The following NHSL1 variants were observed in gnomAD, a reference collection of about 807,000 sequenced individuals.
NHSL1 encodes the protein NHS like 1, also known as NHS-like protein 1.
Under a neutral mutation model 95.0 loss-of-function variants are expected in NHSL1, and 48 were observed. The observed-to-expected ratio is 0.51, with a 90% CI of 0.40 to 0.64. NHSL1 has a LOEUF of 0.64. NHSL1 is among the 30% of genes least tolerant of loss of function. The pLI, the probability that NHSL1 is intolerant of heterozygous loss-of-function variation, is 0.00. For synonymous variants in NHSL1, 783 were observed against 833.9 expected, an observed-to-expected ratio of 0.94 and a Z score of 1.05; for missense variants, 1,971 against 2,077.7, an observed-to-expected ratio of 0.95 and a Z score of 1.00.
chr6:138,678,204 A>T (rs1429403373), intron 1 of NHSL1, among the ~76,000 whole-genome samples: 3 of 152,184 alleles, frequency 2.0e-5, no homozygotes, highest in Admixed American at 6.5e-5. Flanking sequence ...TTTTTCTCCT[A>T]ACATATAATA....
At chr6:138,457,804 C>T (rs57154266) in intron 3 of NHSL1, among the ~76,000 whole-genome samples, 32,563 of 151,730 alleles carry the variant, frequency 0.21, 4,643 homozygotes, top group African/African-American at 0.41. Flanking sequence ...GGTCAGGAGC[C>T]CAAGACCAGC....
intron 1 of NHSL1, among the ~76,000 whole-genome samples, chr6:138,690,722 C>G (rs1318723171): frequency 1.3e-5 from 2 of 152,156 alleles, no homozygotes; most frequent in African/African-American, 4.8e-5. Context: ...GCCTGGAAGA[C>G]AGGTATGAAA....
chr6:138,569,421 G>T (rs1335132713), intron 1 of NHSL1, among the ~76,000 whole-genome samples: 1 of 152,080 alleles, frequency 6.6e-6, no homozygotes, highest in African/African-American at 2.4e-5. Flanking sequence ...GGTGGATTAG[G>T]CTGTGTGTGA....
At chr6:138,579,796 C>A (rs527617043) in intron 1 of NHSL1, among the ~76,000 whole-genome samples, 1 of 152,218 alleles carries the variant, frequency 6.6e-6, no homozygotes, top group African/African-American at 2.4e-5. Flanking sequence ...TCCAATCGAC[C>A]TTACGTGACC....
At chr6:138,547,891 C>G (rs141852344), upstream of NHSL1, among the ~76,000 whole-genome samples, 1 of 152,194 alleles carries the variant, frequency 6.6e-6, no homozygotes, top group Non-Finnish European at 1.5e-5. Flanking sequence ...ATGTAATTTA[C>G]GAATTACAGA....
intron 1 of NHSL1, among the ~76,000 whole-genome samples, chr6:138,624,716 A>C (rs1203926046): frequency 6.6e-6 from 1 of 152,200 alleles, no homozygotes; most frequent in Non-Finnish European, 1.5e-5. Context: ...AAATAAAATC[A>C]AACCTCGTCT....
intron 3 of NHSL1, among the ~76,000 whole-genome samples, chr6:138,451,479 T>A (rs1044093723): frequency 1.3e-5 from 2 of 152,240 alleles, no homozygotes; most frequent in African/African-American, 4.8e-5. Flanking sequence ...TTATATATAT[T>A]GTCTCTCCGA....
At chr6:138,501,228 T>C (rs939729989), upstream of NHSL1, among the ~76,000 whole-genome samples, 1 of 152,218 alleles carries the variant, frequency 6.6e-6, no homozygotes, top group African/African-American at 2.4e-5. Context: ...CATCTGAATA[T>C]AGATTCGTTC....
intron 1 of NHSL1, among the ~76,000 whole-genome samples, chr6:138,601,261 T>C (rs991018108): frequency 6.6e-6 from 1 of 152,176 alleles, no homozygotes; most frequent in African/African-American, 2.4e-5. Context: ...ATAGCAACCA[T>C]ATTCATTGTT....
chr6:138,435,118 G>T (rs1286946629), intron 5 of NHSL1: 2 of 154,752 alleles, frequency 1.3e-5, no homozygotes, highest in Non-Finnish European at 2.9e-5. Flanking sequence ...GGGCAAAAGG[G>T]CAGGACAGAA....
rs1472117884 is a variant in NHSL1 at position 138,423,982 on chromosome 6, G to A, written c.*99C>T. On this transcript the variant is annotated 3_prime_UTR_variant, in exon 8 of 8. Coordinates refer to ENST00000343505, the MANE Select transcript of NHSL1 (RefSeq NM_001144060.2). Reference sequence around the variant, plus strand: ...GGCCCACAGCACAGAAGCAGAGTGGGCTCCCCGGGTGAGCCAGGGAAGGGC... The same window carrying A: ...GGCCCACAGCACAGAAGCAGAGTGGACTCCCCGGGTGAGCCAGGGAAGGGC... The A allele has an allele frequency of 9.1e-6, 11 of 1,207,866 alleles. No individual in the cohort carries two copies. The highest frequency in any genetic ancestry group is 2.9e-5 in the East Asian group (1 of 34,290). The allele number at this position is 1,207,866 out of a possible 1,614,324, so 74.8% of individuals were successfully genotyped here.
At chr6:138,511,028 T>A (rs1781197427) in intron 1 of NHSL1, among the ~76,000 whole-genome samples, 1 of 152,076 alleles carries the variant, frequency 6.6e-6, no homozygotes, top group Non-Finnish European at 1.5e-5. Flanking sequence ...CCCACATAAT[T>A]TGGCCCACAC....
chr6:138,654,142 C>G (rs1018580499), intron 1 of NHSL1, among the ~76,000 whole-genome samples: 1 of 152,168 alleles, frequency 6.6e-6, no homozygotes, highest in Non-Finnish European at 1.5e-5. Flanking sequence ...CCAGAGCAGA[C>G]GAGCACTAAC....
intron 1 of NHSL1, among the ~76,000 whole-genome samples, chr6:138,656,465 T>G (rs1246288814): frequency 1.3e-5 from 2 of 152,172 alleles, no homozygotes; most frequent in Non-Finnish European, 2.9e-5. Flanking sequence ...CAATTATGCA[T>G]GAGTACAGTC....
At chr6:138,565,749 A>AC (rs1031946603) in intron 1 of NHSL1, among the ~76,000 whole-genome samples, 26 of 150,132 alleles carry the variant, frequency 1.7e-4, no homozygotes, top group African/African-American at 6.4e-4. Context: ...AAAGAGAGAG[A>AC]CCCCATCTCT....
chr6:138,636,282 G>A (rs1377350475), intron 1 of NHSL1, among the ~76,000 whole-genome samples: 6 of 152,004 alleles, frequency 3.9e-5, no homozygotes, highest in Non-Finnish European at 8.8e-5. Context: ...CATAATAAAT[G>A]CCACATACAA....
intron 1 of NHSL1, among the ~76,000 whole-genome samples, chr6:138,639,782 A>C (rs1784935192): frequency 8.3e-6 from 1 of 120,118 alleles, no homozygotes; most frequent in South Asian, 3.2e-4. Context: ...CAGGGGACAG[A>C]GTGAGACTCA....
At chr6:138,612,297 C>T (rs1165633433) in intron 1 of NHSL1, among the ~76,000 whole-genome samples, 3 of 151,982 alleles carry the variant, frequency 2.0e-5, no homozygotes. Context: ...CACATATGTA[C>T]AGAAACACTA....
chr6:138,545,785 G>C (rs1782770384), upstream of NHSL1: 7 of 1,199,990 alleles, frequency 5.8e-6, no homozygotes, highest in South Asian at 1.1e-4. Context: ...GGAAGCCACT[G>C]CCCAATCCCC....
Sources: gnomAD v4.1 joint callset for allele counts (sites outside exome capture counted in the v4.1 genomes callset) on GRCh38, gnomAD v4.1.1 for gene constraint, MANE v1.5 for transcripts, NCBI Gene and HGNC (gene_info 2026-07-23, HGNC 2026-07-21) for gene names.